MYO5A: variants seen among roughly 807,000 people sequenced by gnomAD.
The protein encoded by MYO5A is unconventional myosin-Va.
In MYO5A, 98 loss-of-function variants were observed where a neutral mutation model predicts 249.7. The observed-to-expected ratio is 0.39, with a 90% confidence interval of 0.33 to 0.46. The LOEUF is 0.46. Among genes scored for constraint, MYO5A ranks in the 20% least tolerant of loss-of-function variants. The probability of loss-of-function intolerance (pLI) is 0.98; values close to 1 mark genes in which losing one functional copy is unlikely to be tolerated. For synonymous variants in MYO5A, 778 were observed against 810.6 expected, an observed-to-expected ratio of 0.96 and a Z score of 0.68; for missense variants, 1,696 against 2,308.8, an observed-to-expected ratio of 0.73 and a Z score of 5.44.
intron 1 of MYO5A, among the ~76,000 whole-genome samples, chr15:52,513,013 GAA>G (rs375470412): frequency 7.1e-6 from 1 of 140,760 alleles, no homozygotes; most frequent in Non-Finnish European, 1.6e-5. Flanking sequence ...GTCTCCACAG[GAA>G]AAAAAAAAAA....
intron 4 of MYO5A, among the ~76,000 whole-genome samples, chr15:52,422,528 A>T (rs1343228200): frequency 1.3e-5 from 2 of 152,034 alleles, no homozygotes; most frequent in Non-Finnish European, 2.9e-5. Context: ...CTTTTTCTCA[A>T]ATACCCCATA....
intron 1 of MYO5A, among the ~76,000 whole-genome samples, chr15:52,453,255 C>T (rs949554816): frequency 6.6e-6 from 1 of 151,954 alleles, no homozygotes; most frequent in African/African-American, 2.4e-5. Flanking sequence ...AGTATATGGG[C>T]CAGAAGGGAG....
At chr15:52,328,224 A>AAATT (rs1184601387) in intron 35 of MYO5A, among the ~76,000 whole-genome samples, 7 of 152,154 alleles carry the variant, frequency 4.6e-5, no homozygotes, top group Non-Finnish European at 1.0e-4. Flanking sequence ...TCCTGCGCTG[A>AAATT]CTTTTCCCTT....
intron 1 of MYO5A, among the ~76,000 whole-genome samples, chr15:52,496,432 C>A (rs984305467): frequency 6.6e-6 from 1 of 152,108 alleles, no homozygotes; most frequent in Admixed American, 6.6e-5. Context: ...CACGGAATGA[C>A]TAGGTTGCCA....
At chr15:52,411,361 G>C (rs2043239468) in intron 5 of MYO5A, among the ~76,000 whole-genome samples, 1 of 152,096 alleles carries the variant, frequency 6.6e-6, no homozygotes, top group African/African-American at 2.4e-5. Flanking sequence ...TTCAGAACCA[G>C]AAAAAGTAAA....
At chr15:52,341,544 G>A (rs1331463905) in intron 31 of MYO5A, among the ~76,000 whole-genome samples, 1 of 152,186 alleles carries the variant, frequency 6.6e-6, no homozygotes, top group Non-Finnish European at 1.5e-5. Context: ...CAAAGTTATG[G>A]TTAAGAACTA....
intron 39 of MYO5A, 56 bp downstream of exon 39, chr15:52,319,004 T>C: frequency 6.3e-7 from 1 of 1,599,564 alleles, no homozygotes; most frequent in African/African-American, 1.3e-5. Flanking sequence ...TCCACAACCC[T>C]GGCAGGCCAG....
intron 40 of MYO5A, among the ~76,000 whole-genome samples, chr15:52,314,900 T>C (rs1286928497): frequency 6.6e-6 from 1 of 152,158 alleles, no homozygotes; most frequent in African/African-American, 2.4e-5. Flanking sequence ...AATACAACAG[T>C]AGTAGTCACT....
At chr15:52,459,076 T>G (rs2076178885) in intron 1 of MYO5A, among the ~76,000 whole-genome samples, 1 of 147,170 alleles carries the variant, frequency 6.8e-6, no homozygotes, top group African/African-American at 2.5e-5. Context: ...CTTGGCTCAC[T>G]GCAACTTCCG....
chr15:52,403,514 G>A (rs1204357393), intron 9 of MYO5A, among the ~76,000 whole-genome samples: 4 of 152,172 alleles, frequency 2.6e-5, no homozygotes, highest in African/African-American at 9.7e-5. Flanking sequence ...TATAGAGGCA[G>A]AAAACAGATT....
At chr15:52,435,265 CT>C (rs35456308) in intron 1 of MYO5A, among the ~76,000 whole-genome samples, 222 of 113,732 alleles carry the variant, frequency 2.0e-3, no homozygotes, top group African/African-American at 6.1e-3. Flanking sequence ...ACGTTAACCT[CT>C]TTTTTTTTTT....
chr15:52,348,464 C>A (rs1282350901), intron 29 of MYO5A, among the ~76,000 whole-genome samples: 1 of 152,200 alleles, frequency 6.6e-6, no homozygotes, highest in Non-Finnish European at 1.5e-5. Context: ...AAGCCCGCCA[C>A]TGGTAGATAT....
intron 1 of MYO5A, among the ~76,000 whole-genome samples, chr15:52,480,939 A>G (rs148778789): frequency 9.6e-4 from 146 of 152,340 alleles, no homozygotes; most frequent in African/African-American, 3.3e-3. Flanking sequence ...GTCCTGGGAT[A>G]CAGCATTGCA....
At chr15:52,497,756 C>CAAAAAAAA (rs35145185) in intron 1 of MYO5A, among the ~76,000 whole-genome samples, 2 of 62,672 alleles carry the variant, frequency 3.2e-5, no homozygotes, top group South Asian at 6.0e-4. Flanking sequence ...GACTCTGTCT[C>CAAAAAAAA]AAAAAAAAAA....
chr15:52,341,070 A>T (rs114161170), intron 31 of MYO5A, among the ~76,000 whole-genome samples: 9 of 152,388 alleles, frequency 5.9e-5, no homozygotes, highest in African/African-American at 1.9e-4. Context: ...ATTGGCAAAG[A>T]CAGTACACCT....
At chr15:52,375,920 A>T (rs2041387777) in intron 19 of MYO5A, among the ~76,000 whole-genome samples, 1 of 152,220 alleles carries the variant, frequency 6.6e-6, no homozygotes, top group Admixed American at 6.5e-5. Flanking sequence ...TGATTAATTC[A>T]GTTCTACTTA....
intron 1 of MYO5A, among the ~76,000 whole-genome samples, chr15:52,517,333 C>A (rs147494194): frequency 2.5e-3 from 376 of 152,224 alleles, no homozygotes; most frequent in Admixed American, 3.7e-3. Flanking sequence ...TGAAAAATAC[C>A]CAGCAGTAAA....
chr15:52,401,620 C>T (rs1448310273), intron 9 of MYO5A, among the ~76,000 whole-genome samples: 1 of 152,028 alleles, frequency 6.6e-6, no homozygotes, highest in Non-Finnish European at 1.5e-5. Flanking sequence ...TTATGATGTT[C>T]TTAGGAATAG....
At chr15:52,433,345 A>G (rs1353453712) in intron 1 of MYO5A, 60 bp from the exon 2 acceptor site, 2 of 929,454 alleles carry the variant, frequency 2.2e-6, no homozygotes, top group Admixed American at 3.6e-5. Context: ...AATCATATAT[A>G]AACATATGAT....
Sources: gnomAD v4.1 joint callset for allele counts (sites outside exome capture counted in the v4.1 genomes callset) on GRCh38, gnomAD v4.1.1 for gene constraint, MANE v1.5 for transcripts, NCBI Gene and HGNC (gene_info 2026-07-23, HGNC 2026-07-21) for gene names.